BRF1: variants seen among roughly 807,000 people sequenced by gnomAD.
BRF1 encodes the protein transcription factor IIIB 90 kDa subunit.
In BRF1, 59 loss-of-function variants were observed where a neutral mutation model predicts 81.7. That is an observed-to-expected ratio of 0.72 (90% CI 0.59 to 0.90). BRF1 has a LOEUF of 0.90. Ranked by LOEUF, BRF1 falls within the 40% of genes least tolerant of loss-of-function variation. BRF1 has a pLI of 0.00. For synonymous variants in BRF1, 491 were observed against 395.6 expected (o/e 1.24, Z -2.86); for missense variants, 1,050 against 936.3 (o/e 1.12, Z -1.58).
Position 105,210,453 on chromosome 14 carries a change from G to A in BRF1, c.*98C>T. On this transcript the variant is annotated 3_prime_UTR_variant, in exon 18 of 18. Transcript: ENST00000547530. The surrounding 1 kb of genome is among the most constrained non-coding windows in gnomAD (Gnocchi z 4.7). ...GTGCCACCTGTCACCAGGAGTCTCG[G>A]CGCTGGGGCCTGCCTGCTGCGGTCC... The A allele has an allele frequency of 7.1e-7, 1 of 1,411,626 alleles. No homozygotes were observed. Among genetic ancestry groups the A allele is most frequent in the Non-Finnish European group, 9.7e-7 (1 of 1,027,670 alleles). The allele number at this position is 1,411,626 out of a possible 1,614,324, so 87.4% of individuals were successfully genotyped here. A position where few individuals can be genotyped will look rare whatever the true frequency, so the allele number is the denominator to read the frequency against.
In BRF1 at chr14:105,299,466, T is replaced by A. The variant is rs2140572656; in HGVS notation, c.184+980A>T. Among the ~76,000 whole-genome samples the A allele has an allele frequency of 2.0e-5, 3 of 152,068 alleles. 1 individual carries two copies. Among genetic ancestry groups the A allele is most frequent in the Non-Finnish European group, 4.4e-5 (3 of 67,986 alleles). ...GGCATGCACCTGTAGTCTCAGCTAC[T>A]CAGGAGGTTGAGGCAGGAGAATTGC... On this transcript the variant is annotated intron_variant, in intron 1 of 17. Coordinates refer to ENST00000547530, the MANE Select transcript of BRF1 (RefSeq NM_001519.4).
rs1892312048 is a variant in BRF1 at position 105,221,733 on chromosome 14, G to C, written c.1230C>G (p.Ser410=). The change falls in exon 11 of 18, where the codon TCC becomes TCG. Residue 410 remains serine (S), a synonymous_variant. Coordinates refer to ENST00000547530, the MANE Select transcript of BRF1 (RefSeq NM_001519.4). ...EWGGRPPALG[S]LLDPLPTAAS... is the part of the protein sequence containing the mutation. ...CTGCAGTGGGGAGGGGGTCCAGCAG[G>C]GACCCCAGGGCCGGAGGTCTGCCGC... 6.2e-7 allele frequency: 1 copy of C among 1,610,276 alleles called. No homozygotes were observed. The highest frequency in any genetic ancestry group is 8.5e-7 in the Non-Finnish European group (1 of 1,179,440).
intron 2 of BRF1, among the ~76,000 whole-genome samples, chr14:105,281,598 G>A (rs2057107340): frequency 6.6e-6 from 1 of 152,164 alleles, no homozygotes; most frequent in Non-Finnish European, 1.5e-5. Flanking sequence ...TCGATGTGGG[G>A]CGGCTGACTG....
intron 6 of BRF1, 52 bp from the exon 7 acceptor site, chr14:105,228,965 C>T (rs184541194): frequency 5.8e-6 from 9 of 1,547,636 alleles, no homozygotes; most frequent in East Asian, 2.2e-5. Flanking sequence ...ACCAGGGCAA[C>T]ATCTGTGGCG....
At chr14:105,222,161 G>C (rs1892382610) in intron 10 of BRF1, 1 of 454,472 alleles carries the variant, frequency 2.2e-6, no homozygotes. Flanking sequence ...AAACGTAAAA[G>C]AAAAACTTTG....
intron 7 of BRF1, chr14:105,228,276 G>C (rs1208149979): frequency 6.6e-6 from 1 of 152,626 alleles, no homozygotes; most frequent in Non-Finnish European, 1.5e-5. Flanking sequence ...AGAAACACGG[G>C]GCGCGGTGGC....
rs587614240 is a variant in BRF1 at position 105,211,487 on chromosome 14, G to C, written c.1825-194C>G. 5.2e-3 allele frequency: 2,986 copies of C among 572,736 alleles called. 16 individuals carry two copies. The highest frequency in any genetic ancestry group is 9.2e-3 in the Middle Eastern group (20 of 2,180). The allele number at this position is 572,736 out of a possible 1,614,324, so 35.5% of individuals were successfully genotyped here. A position where few individuals can be genotyped will look rare whatever the true frequency, so the allele number is the denominator to read the frequency against. On this transcript the variant is annotated intron_variant, in intron 16 of 17. Coordinates refer to ENST00000547530, the MANE Select transcript of BRF1 (RefSeq NM_001519.4). ...GGGGGCTGTGCCATGAGCTGTGTCA[G>C]CATCAAGATCCCACCCTCAGGCCTC...
At chr14:105,275,840 A>G (rs1362519658) in intron 2 of BRF1, among the ~76,000 whole-genome samples, 1 of 152,282 alleles carries the variant, frequency 6.6e-6, no homozygotes, top group Non-Finnish European at 1.5e-5. Context: ...ACTAATGATG[A>G]GCTCAGTGCC....
chr14:105,247,424 T>C, intron 5 of BRF1: 2 of 985,394 alleles, frequency 2.0e-6, no homozygotes, highest in Non-Finnish European at 1.2e-6. Context: ...TTGCATGGTG[T>C]CTGTTCACGT....
chr14:105,219,067 A>G lies in BRF1; in HGVS notation c.1460-14T>C. 1.2e-6 allele frequency: 2 copies of G among 1,613,838 alleles called. No homozygotes were observed. The highest frequency in any genetic ancestry group is 1.7e-6 in the Non-Finnish European group (2 of 1,179,990). ...TTGCTTCTTTTTCTAAAAGTTCAGA[A>G]AGGGGGCCAGCGTCACTGAGGGCCC... On this transcript the variant is annotated splice_polypyrimidine_tract_variant and intron_variant, in intron 13 of 17. Coordinates refer to ENST00000547530, the MANE Select transcript of BRF1 (RefSeq NM_001519.4).
chr14:105,304,677 C>T (rs773138307), upstream of BRF1, among the ~76,000 whole-genome samples: 4 of 152,064 alleles, frequency 2.6e-5, no homozygotes, highest in East Asian at 1.9e-4. Flanking sequence ...TGAGACTGGG[C>T]GATTAACAAA....
intron 1 of BRF1, among the ~76,000 whole-genome samples, chr14:105,314,153 C>T (rs587688914): frequency 1.3e-5 from 2 of 152,294 alleles, no homozygotes; most frequent in South Asian, 4.1e-4. Context: ...TCCTTGCCAC[C>T]TCCCTGCGTC....
At position 105,269,300 on chromosome 14, in the gene BRF1, C is replaced by T. The variant is rs959327405; in HGVS notation, c.439+3421G>A. ...CAGCCCGAAGCATCCTCTGAGGATG[C>T]TGAAGGGAGCCCCACCAGGCCACCA... is the stretch of plus-strand genomic sequence containing the variant. On this transcript the variant is annotated intron_variant, in intron 3 of 17. Coordinates refer to ENST00000547530, the MANE Select transcript of BRF1 (RefSeq NM_001519.4). This position sits in a 1 kb window ranked among gnomAD's most constrained non-coding sequence, Gnocchi z 5.0. Among the ~76,000 whole-genome samples the T allele has an allele frequency of 1.3e-5, 2 of 152,114 alleles. No homozygotes were observed. Among genetic ancestry groups the T allele is most frequent in the Non-Finnish European group, 2.9e-5 (2 of 68,022 alleles).
intron 2 of BRF1, among the ~76,000 whole-genome samples, chr14:105,279,881 C>T (rs1228102393): frequency 6.6e-6 from 1 of 152,216 alleles, no homozygotes; most frequent in African/African-American, 2.4e-5. Context: ...AAAGAATAAA[C>T]TACTTACACG....
chr14:105,256,667 A>C, intron 3 of BRF1, 118 bp from the exon 4 acceptor site: 1 of 1,448,916 alleles, frequency 6.9e-7, no homozygotes, highest in Non-Finnish European at 9.3e-7. Flanking sequence ...CCCTCCAAAT[A>C]TAAGCTCCAC....
intron 2 of BRF1, among the ~76,000 whole-genome samples, chr14:105,275,254 A>G (rs754832621): frequency 1.3e-5 from 2 of 152,204 alleles, no homozygotes; most frequent in Admixed American, 6.5e-5. Flanking sequence ...CCTGGCAGTC[A>G]GCAGCATCAC....
Position 105,228,838 on chromosome 14 carries a change from TCA to T in BRF1, c.768_769del (p.Cys256Ter), listed in dbSNP as rs773305573. 1.2e-6 allele frequency: 2 copies of T among 1,613,794 alleles called. No individual in the cohort carries two copies. The highest frequency in any genetic ancestry group is 2.2e-5 in the East Asian group (1 of 44,894). On this transcript the variant is annotated stop_gained and frameshift_variant, in exon 7 of 18. Coordinates refer to ENST00000547530, the MANE Select transcript of BRF1 (RefSeq NM_001519.4). LOFTEE classifies it high-confidence loss of function. ...CCCTCACCTCTTCCGCAGCGTGGAC[TCA>T]CACACTTTGACCACACTGATGACCT...
In BRF1 at chr14:105,309,249, C is replaced by G. The variant is rs768907321; in HGVS notation, c.-162+6073G>C. On this transcript the variant is annotated intron_variant, in intron 1 of 17. Coordinates refer to the BRF1 transcript ENST00000327359. This position sits in a 1 kb window ranked among gnomAD's most constrained non-coding sequence, Gnocchi z 4.0. ...TTTATGCATCAAGGTCCCTCTTAAT[C>G]TTGGGGCTCAGGATAACCACAGTCA... 5.9e-5 allele frequency among the ~76,000 whole-genome samples: 9 copies of G among 152,194 alleles called. No homozygotes were observed. Among genetic ancestry groups the G allele is most frequent in the Non-Finnish European group, 8.8e-5 (6 of 68,040 alleles).
intron 3 of BRF1, among the ~76,000 whole-genome samples, chr14:105,270,274 C>T (rs1390053069): frequency 1.3e-5 from 2 of 151,618 alleles, no homozygotes; most frequent in African/African-American, 4.8e-5. Flanking sequence ...CCCGGGTTCC[C>T]GCCATTCTCC....
Sources: allele counts gnomAD v4.1 joint callset (sites outside exome capture counted in the v4.1 genomes callset), GRCh38; gene constraint gnomAD v4.1.1; non-coding constraint Gnocchi (gnomAD v3.1); transcripts MANE v1.5; gene names NCBI Gene and HGNC (gene_info 2026-07-23, HGNC 2026-07-21).